TRIO: variants seen among roughly 807,000 people sequenced by gnomAD.
The protein encoded by TRIO is triple functional domain protein.
Under a neutral mutation model 351.9 loss-of-function variants are expected in TRIO, and 58 were observed. That is an observed-to-expected ratio of 0.16 (90% CI 0.13 to 0.21). The LOEUF is 0.21. Among genes scored for constraint, TRIO ranks in the 10% least tolerant of loss-of-function variants. The pLI, the probability that TRIO is intolerant of heterozygous loss-of-function variation, is 1.00. For synonymous variants in TRIO, 1,758 were observed against 1,595.7 expected (o/e 1.10, Z -2.42); for missense variants, 3,201 against 4,027.8 (o/e 0.79, Z 5.56).
At chr5:14,485,999 AAAG>A (rs1755888707) in intron 47 of TRIO, among the ~76,000 whole-genome samples, 1 of 152,156 alleles carries the variant, frequency 6.6e-6, no homozygotes, top group Admixed American at 6.5e-5. Flanking sequence ...AAAAAAAAAA[AAAG>A]AGACGGTTCA....
intron 36 of TRIO, among the ~76,000 whole-genome samples, chr5:14,464,046 G>T (rs757543707): frequency 5.3e-5 from 8 of 152,160 alleles, no homozygotes; most frequent in African/African-American, 1.7e-4. Context: ...GGAGTTTTGT[G>T]TGCATCTGAG....
Position 14,378,094 on chromosome 5 carries a change from G to C in TRIO, c.3414G>C (p.Gln1138His). Residue 1138 changes from glutamine to histidine, a missense_variant, in exon 20 of 57, where the codon CAG becomes CAC. Transcript: ENST00000344204. ...GGAAGAGACGGCTGGACCAGTGTCA[G>C]CAGTACGTGGTCTTTGAGAGGAGTG... ...TMRKRRLDQC[Q>H]QYVVFERSAK... 5 of 1,613,074 alleles carry C rather than the reference G, an allele frequency of 3.1e-6. No individual in the cohort carries two copies. The highest frequency in any genetic ancestry group is 4.2e-6 in the Non-Finnish European group (5 of 1,179,684).
chr5:14,501,995 C>A lies in TRIO; in HGVS notation c.8333-584C>A, dbSNP rs1757327384. On this transcript the variant is annotated intron_variant, in intron 53 of 56. Coordinates refer to ENST00000344204, the MANE Select transcript of TRIO (RefSeq NM_007118.4). ...GTGGACATGTACACAGGGTTCATTA[C>A]TCACAGGTGATTTACAGTTGGCACT... Among the ~76,000 whole-genome samples, 3 of 152,346 alleles carry A rather than the reference C, an allele frequency of 2.0e-5. No homozygotes were observed. In the South Asian group the frequency reaches 6.2e-4, roughly 32 times the overall value.
Position 14,195,953 on chromosome 5 carries a change from A to G in TRIO, c.157+52071A>G, listed in dbSNP as rs372361223. On this transcript the variant is annotated intron_variant, in intron 1 of 56. Transcript: ENST00000344204. ...CTAGATTTTATCCAGCTTTTTCTCC[A>G]TATCTGTATTTGTATAAATTTTAAA... 3.9e-5 allele frequency among the ~76,000 whole-genome samples: 6 copies of G among 152,152 alleles called. No individual in the cohort carries two copies. In the East Asian group the frequency reaches 5.8e-4, roughly 15 times the overall value.
intron 34 of TRIO, among the ~76,000 whole-genome samples, chr5:14,423,924 ATTTTTTTTTT>A (rs577094390): frequency 8.5e-6 from 1 of 118,184 alleles, no homozygotes; most frequent in African/African-American, 3.3e-5. Context: ...ACCCCATGGA[ATTTTTTTTTT>A]TTTTTTTTTT....
chr5:14,447,638 A>G (rs147782273), intron 34 of TRIO, among the ~76,000 whole-genome samples: 31 of 152,222 alleles, frequency 2.0e-4, no homozygotes, highest in African/African-American at 3.6e-4. Context: ...CCTGCCCCCA[A>G]CGTCTTTGGT....
At chr5:14,387,355 T>C in intron 21 of TRIO, 83 bp from the exon 22 acceptor site, 1 of 1,405,038 alleles carries the variant, frequency 7.1e-7, no homozygotes, top group South Asian at 1.4e-5. Flanking sequence ...GAGCTCAGAG[T>C]TGGAGTCAAG....
In TRIO at chr5:14,498,499, T is replaced by G. The variant is rs775149308; in HGVS notation, c.8211-20T>G. ...TGCTCAGCTTTTCTGATGCGCAGTG[T>G]GTTCCCATCTGTGCCGCAGTGACCT... On this transcript the variant is annotated intron_variant, in intron 52 of 56. Transcript: ENST00000344204. 3 of 1,610,126 alleles carry G rather than the reference T, an allele frequency of 1.9e-6. No homozygotes were observed. Among genetic ancestry groups the G allele is most frequent in the East Asian group, 2.2e-5 (1 of 44,718 alleles).
intron 31 of TRIO, among the ~76,000 whole-genome samples, chr5:14,403,777 T>TG (rs1748431215): frequency 9.0e-5 from 2 of 22,184 alleles, no homozygotes; most frequent in Non-Finnish European, 1.6e-4. Flanking sequence ...GGGTGTAGGT[T>TG]GTGGTGAGGG....
chr5:14,504,717 A>T, intron 55 of TRIO, 124 bp downstream of exon 55: 3 of 1,223,576 alleles, frequency 2.5e-6, no homozygotes, highest in South Asian at 1.5e-5. Flanking sequence ...GAACTAAAAA[A>T]CATCTTCACT....
rs77834736 is a variant in TRIO, at chr5:14,421,227, A to ATTTATTTTATTTTATTTTATTTTAT, written c.5203+1240_5203+1264dup. On this transcript the variant is annotated intron_variant, in intron 34 of 56. Coordinates refer to ENST00000344204, the MANE Select transcript of TRIO (RefSeq NM_007118.4). ...TTTTCCCTTATTTAATTATTTATTTATTTATTTTATTTTATTTTATTTTAT... is the reference window on the plus strand; with the variant it reads ...TTTTCCCTTATTTAATTATTTATTTATTTATTTTATTTTATTTTATTTTATTTTATTTTATTTTATTTTATTTTAT... 7.6e-4 allele frequency among the ~76,000 whole-genome samples: 90 copies of ATTTATTTTATTTTATTTTATTTTAT among 118,074 alleles called. 2 individuals carry two copies. The highest frequency in any genetic ancestry group is 4.6e-3 in the Admixed American group (51 of 11,106). The allele number at this position is 118,074 out of a possible 152,430, so 77.5% of individuals were successfully genotyped here.
chr5:14,202,881 G>T (rs901131094), intron 1 of TRIO, among the ~76,000 whole-genome samples: 2 of 151,356 alleles, frequency 1.3e-5, no homozygotes, highest in African/African-American at 2.4e-5. Context: ...ACCCAGTCTC[G>T]TGTATGTCTT....
intron 37 of TRIO, chr5:14,466,157 C>T (rs957020906): frequency 7.4e-5 from 12 of 162,190 alleles, no homozygotes; most frequent in African/African-American, 2.9e-4. Context: ...AACAGACATT[C>T]TCATCAAGCA....
At chr5:14,355,440 G>A (rs114588246) in intron 11 of TRIO, among the ~76,000 whole-genome samples, 2,631 of 152,248 alleles carry the variant, frequency 0.017, 87 homozygotes, top group African/African-American at 0.06. Flanking sequence ...TCGTAGTGAC[G>A]CCTTTAGGTG....
At chr5:14,436,352 C>A (rs978920819) in intron 34 of TRIO, among the ~76,000 whole-genome samples, 6 of 152,158 alleles carry the variant, frequency 3.9e-5, no homozygotes, top group Non-Finnish European at 8.8e-5. Flanking sequence ...AACTTGCCCC[C>A]ATGATTCAAT....
chr5:14,280,659 G>A (rs1387884038), intron 3 of TRIO, among the ~76,000 whole-genome samples: 1 of 152,218 alleles, frequency 6.6e-6, no homozygotes, highest in Non-Finnish European at 1.5e-5. Context: ...TTTGTGTGTT[G>A]ACAGTGGATC....
In TRIO at chr5:14,158,547, T is replaced by G. The variant is rs1240739732; in HGVS notation, c.157+14665T>G. On this transcript the variant is annotated intron_variant, in intron 1 of 56. Coordinates refer to ENST00000344204, the MANE Select transcript of TRIO (RefSeq NM_007118.4). ...GAGATGTTTTGGAATTAGATAGTGA[T>G]GAGGCTGGAAACGGTGATTTCTGCC... Among the ~76,000 whole-genome samples, 3 of 152,122 alleles carry G rather than the reference T, an allele frequency of 2.0e-5. No individual in the cohort carries two copies. In the East Asian group the frequency reaches 5.8e-4, roughly 29 times the overall value.
rs1029809803 is a variant in TRIO at position 14,347,020 on chromosome 5, A to G, written c.2046+10293A>G. Among the ~76,000 whole-genome samples, 5 of 151,396 alleles carry G rather than the reference A, an allele frequency of 3.3e-5. No individual in the cohort carries two copies. In the South Asian group the frequency reaches 1.0e-3, roughly 31 times the overall value. On this transcript the variant is annotated intron_variant, in intron 11 of 56. Transcript: ENST00000344204. The stretch of plus-strand genomic sequence containing the variant: ...CAAAGGTAGTGGTGGATGATGCTGG[A>G]CCAGTCATCTCAGGTGGACCTGAGG...
intron 11 of TRIO, among the ~76,000 whole-genome samples, chr5:14,355,171 G>A (rs1361762615): frequency 6.6e-6 from 1 of 152,198 alleles, no homozygotes. Flanking sequence ...ACCATCTTAA[G>A]TAGAAATGTC....
Sources: gnomAD v4.1 joint callset for allele counts (sites outside exome capture counted in the v4.1 genomes callset) on GRCh38, gnomAD v4.1.1 for gene constraint, MANE v1.5 for transcripts, NCBI Gene and HGNC (gene_info 2026-07-23, HGNC 2026-07-21) for gene names.